Variants in RBFOX1 observed in about 807,000 individuals in gnomAD.
The protein encoded by RBFOX1 is RNA binding protein fox-1 homolog 1.
In RBFOX1, 8 loss-of-function variants were observed where a neutral mutation model predicts 57.7. The observed-to-expected ratio is 0.14, with a 90% CI of 0.08 to 0.25. The LOEUF is 0.25. Among genes scored for constraint, RBFOX1 ranks in the 10% least tolerant of loss-of-function variants. The pLI is 1.00. For missense variants in RBFOX1, 611 were observed against 548.5 expected (o/e 1.11, Z -1.14); for synonymous variants, 326 against 222.4 (o/e 1.47, Z -4.15).
intron 1 of RBFOX1, among the ~76,000 whole-genome samples, chr16:5,383,003 T>C (rs1319012659): frequency 1.3e-5 from 2 of 152,180 alleles, no homozygotes; most frequent in African/African-American, 4.8e-5. Flanking sequence ...AAGAATAAAG[T>C]GGCATTAATT....
At chr16:6,129,020 A>G (rs2096610495) in intron 1 of RBFOX1, among the ~76,000 whole-genome samples, 2 of 152,222 alleles carry the variant, frequency 1.3e-5, no homozygotes, top group South Asian at 4.1e-4. Context: ...TCATTTAACC[A>G]CTTGCATGAA....
chr16:6,784,211 A>T (rs200441934), intron 3 of RBFOX1, among the ~76,000 whole-genome samples: 1 of 151,946 alleles, frequency 6.6e-6, no homozygotes, highest in African/African-American at 2.4e-5. Context: ...TTCTATCCCA[A>T]TCTCTTTCTC....
At chr16:5,278,000 C>A (rs1394440131) in intron 1 of RBFOX1, among the ~76,000 whole-genome samples, 2 of 151,778 alleles carry the variant, frequency 1.3e-5, no homozygotes, top group African/African-American at 4.8e-5. Flanking sequence ...CACTGATATC[C>A]TTTTTTTTGG....
At chr16:6,566,091 T>C (rs1343380297) in intron 2 of RBFOX1, among the ~76,000 whole-genome samples, 2 of 152,228 alleles carry the variant, frequency 1.3e-5, no homozygotes, top group Admixed American at 1.3e-4. Context: ...CAAGGTGTTA[T>C]CCCAAAGTAA....
intron 3 of RBFOX1, among the ~76,000 whole-genome samples, chr16:5,755,527 G>A (rs1390938678): frequency 4.6e-5 from 7 of 152,288 alleles, no homozygotes; most frequent in Non-Finnish European, 7.4e-5. Context: ...AAGGGCCTTG[G>A]TTGGTCACAA....
Position 6,988,558 on chromosome 16 carries a change from A to C in RBFOX1, c.-15-63499A>C, listed in dbSNP as rs1237070190. Among the ~76,000 whole-genome samples, 3 of 140,702 alleles carry C rather than the reference A, an allele frequency of 2.1e-5. No individual in the cohort carries two copies. The South Asian group carries it at 6.8e-4, about 32-fold the overall frequency. The allele number at this position is 140,702 out of a possible 152,430, so 92.3% of individuals were successfully genotyped here. A position where few individuals can be genotyped will look rare whatever the true frequency, so the allele number is the denominator to read the frequency against. ...TCTTTTCCCTTTTTATTTTAATTTAACTTTATTTAATTTTATTTTATTTTA... is the reference window on the plus strand; with the variant it reads ...TCTTTTCCCTTTTTATTTTAATTTACCTTTATTTAATTTTATTTTATTTTA... On this transcript the variant is annotated intron_variant, in intron 3 of 15. Coordinates refer to ENST00000550418, the MANE Select transcript of RBFOX1 (RefSeq NM_018723.4).
intron 13 of RBFOX1, chr16:7,671,656 A>C: frequency 1.4e-6 from 2 of 1,454,088 alleles, no homozygotes; most frequent in Non-Finnish European, 1.9e-6. Context: ...TTTGCTGTGA[A>C]ATCCTTACTA....
At chr16:5,533,593 C>A (rs1022018033) in intron 2 of RBFOX1, among the ~76,000 whole-genome samples, 1 of 152,158 alleles carries the variant, frequency 6.6e-6, no homozygotes, top group Non-Finnish European at 1.5e-5. Context: ...TCCTGGGCCC[C>A]AGTAGACATC....
chr16:7,111,601 C>G (rs1158748234), intron 4 of RBFOX1, among the ~76,000 whole-genome samples: 1 of 152,094 alleles, frequency 6.6e-6, no homozygotes, highest in Non-Finnish European at 1.5e-5. Context: ...AAAGCAGTGT[C>G]TGAGTATCCT....
intron 2 of RBFOX1, among the ~76,000 whole-genome samples, chr16:5,523,460 A>G (rs925006839): frequency 7.2e-6 from 1 of 139,526 alleles, no homozygotes; most frequent in African/African-American, 3.4e-5. Context: ...ACAAAAAATA[A>G]AAAAAATTAG....
chr16:6,841,036 G>A (rs1024455704), intron 3 of RBFOX1, among the ~76,000 whole-genome samples: 2 of 152,128 alleles, frequency 1.3e-5, no homozygotes, highest in Non-Finnish European at 2.9e-5. Flanking sequence ...AGAATTGGGA[G>A]AAATAAACTT....
At chr16:7,018,861 G>A (rs1161173772) in intron 3 of RBFOX1, among the ~76,000 whole-genome samples, 1 of 152,196 alleles carries the variant, frequency 6.6e-6, no homozygotes, top group East Asian at 1.9e-4. Context: ...GCTGACGACT[G>A]TAATCTCAGC....
rs1597964172 is a variant in RBFOX1, at chr16:7,681,735, GGGATA to G, written c.995+4903_995+4907del. Among the ~76,000 whole-genome samples, 5 of 151,490 alleles carry G rather than the reference GGGATA, an allele frequency of 3.3e-5. No individual in the cohort carries two copies. In the East Asian group the frequency reaches 9.7e-4, roughly 29 times the overall value. The stretch of plus-strand genomic sequence containing the variant: ...TATGTTTTCATTTTTTTTTTCCCAT[GGGATA>G]GGATATAGTTTAACCTGTGGATAAT... On this transcript the variant is annotated intron_variant, in intron 14 of 15. Coordinates refer to ENST00000550418, the MANE Select transcript of RBFOX1 (RefSeq NM_018723.4).
At chr16:6,075,671 A>G (rs780179689) in intron 1 of RBFOX1, among the ~76,000 whole-genome samples, 3 of 152,240 alleles carry the variant, frequency 2.0e-5, no homozygotes, top group East Asian at 3.8e-4. Flanking sequence ...AGTGCATTCA[A>G]TACAGAGTTG....
chr16:6,954,305 C>G (rs780403540), intron 3 of RBFOX1, among the ~76,000 whole-genome samples: 14 of 151,992 alleles, frequency 9.2e-5, no homozygotes. Flanking sequence ...GTGAGACTTG[C>G]TTATTTATGG....
intron 3 of RBFOX1, among the ~76,000 whole-genome samples, chr16:6,800,946 ATC>A (rs1448882377): frequency 7.9e-5 from 12 of 152,258 alleles, no homozygotes; most frequent in South Asian, 2.1e-4. Flanking sequence ...CTGTTTGAGT[ATC>A]TCTCAAGGGT....
chr16:7,447,991 GATTTCCACTCTTTA>G (rs2098821798), intron 4 of RBFOX1, among the ~76,000 whole-genome samples: 1 of 152,144 alleles, frequency 6.6e-6, no homozygotes, highest in Non-Finnish European at 1.5e-5. Flanking sequence ...GGGATGTAGG[GATTTCCACTCTTTA>G]GAAACACCCA....
chr16:7,076,613 ATT>A (rs1279148060), intron 4 of RBFOX1, among the ~76,000 whole-genome samples: 1 of 152,208 alleles, frequency 6.6e-6, no homozygotes, highest in Non-Finnish European at 1.5e-5. Context: ...GCAAAACTTT[ATT>A]TTTGCACATG....
At chr16:6,255,114 G>C (rs959072043) in intron 1 of RBFOX1, among the ~76,000 whole-genome samples, 2 of 152,084 alleles carry the variant, frequency 1.3e-5, no homozygotes, top group Admixed American at 1.3e-4. Flanking sequence ...GCTGGGGAGA[G>C]AGATAAACAA....
Sources: gnomAD v4.1 joint callset for allele counts (sites outside exome capture counted in the v4.1 genomes callset) on GRCh38, gnomAD v4.1.1 for gene constraint, MANE v1.5 for transcripts, NCBI Gene and HGNC (gene_info 2026-07-23, HGNC 2026-07-21) for gene names.